Variants in PLXDC2 observed in about 807,000 individuals in gnomAD.
The protein encoded by PLXDC2 is plexin domain-containing protein 2.
A neutral mutation model predicts 68.9 loss-of-function variants in PLXDC2; 40 were observed. That is an observed-to-expected ratio of 0.58 (90% confidence interval 0.45 to 0.76). PLXDC2 has a LOEUF of 0.76. Ranked by LOEUF, PLXDC2 falls within the 30% of genes least tolerant of loss-of-function variation. PLXDC2 has a pLI of 0.00. For synonymous variants in PLXDC2, 243 were observed against 234.2 expected (o/e 1.04, Z -0.34); for missense variants, 644 against 661.9 (o/e 0.97, Z 0.30).
intron 4 of PLXDC2, among the ~76,000 whole-genome samples, chr10:20,110,120 G>C (rs1243630608): frequency 6.6e-6 from 1 of 152,204 alleles, no homozygotes; most frequent in African/African-American, 2.4e-5. Context: ...TGCCTGGCAG[G>C]GATGGAGACT....
chr10:20,125,648 C>A (rs560028428), intron 4 of PLXDC2, among the ~76,000 whole-genome samples: 1 of 152,122 alleles, frequency 6.6e-6, no homozygotes, highest in Admixed American at 6.5e-5. Flanking sequence ...GAGAGAGCCT[C>A]TATAGAGCTC....
chr10:20,097,249 A>G (rs992651209), intron 4 of PLXDC2, among the ~76,000 whole-genome samples: 1 of 152,220 alleles, frequency 6.6e-6, no homozygotes, highest in Non-Finnish European at 1.5e-5. Flanking sequence ...GCTTACGGTA[A>G]TTACTGGAAG....
chr10:20,268,849 C>T (rs1236411663), intron 13 of PLXDC2, among the ~76,000 whole-genome samples: 1 of 152,186 alleles, frequency 6.6e-6, no homozygotes, highest in African/African-American at 2.4e-5. Context: ...GGTGAACTGG[C>T]TTGTTTTCAC....
At chr10:20,244,776 G>A (rs1242929627) in intron 12 of PLXDC2, among the ~76,000 whole-genome samples, 2 of 152,194 alleles carry the variant, frequency 1.3e-5, no homozygotes, top group Non-Finnish European at 2.9e-5. Context: ...GTTTCCCACA[G>A]TACTTTGAGA....
intron 4 of PLXDC2, among the ~76,000 whole-genome samples, chr10:20,075,715 G>C (rs1836429782): frequency 6.6e-6 from 1 of 152,160 alleles, no homozygotes; most frequent in African/African-American, 2.4e-5. Context: ...TGGGTAGAAT[G>C]AAGGAGAACA....
At chr10:19,936,240 C>T (rs1163036845) in intron 1 of PLXDC2, among the ~76,000 whole-genome samples, 3 of 152,158 alleles carry the variant, frequency 2.0e-5, no homozygotes, top group Non-Finnish European at 4.4e-5. Context: ...TGGAAACTCC[C>T]CACTCATCTC....
chr10:20,023,865 G>A (rs1278594540), intron 2 of PLXDC2, among the ~76,000 whole-genome samples: 2 of 152,106 alleles, frequency 1.3e-5, no homozygotes, highest in Non-Finnish European at 2.9e-5. Context: ...CACAGAGACA[G>A]GGTAGAAAAG....
At chr10:20,108,769 C>G (rs1025653519) in intron 4 of PLXDC2, among the ~76,000 whole-genome samples, 1 of 152,094 alleles carries the variant, frequency 6.6e-6, no homozygotes, top group South Asian at 2.1e-4. Context: ...GACTTTAAAA[C>G]CTTCCACGTA....
intron 10 of PLXDC2, among the ~76,000 whole-genome samples, chr10:20,214,598 A>T (rs1387164959): frequency 6.6e-6 from 1 of 152,056 alleles, no homozygotes; most frequent in Non-Finnish European, 1.5e-5. Flanking sequence ...TTATTTTTTG[A>T]GTGGGGAGGG....
chr10:20,140,765 A>G (rs922657318), intron 4 of PLXDC2, among the ~76,000 whole-genome samples: 1 of 152,162 alleles, frequency 6.6e-6, no homozygotes, highest in African/African-American at 2.4e-5. Flanking sequence ...AGATATTGAT[A>G]TAAGTAACTT....
chr10:19,964,809 A>G (rs1319511686), intron 1 of PLXDC2, among the ~76,000 whole-genome samples: 1 of 151,736 alleles, frequency 6.6e-6, no homozygotes, highest in African/African-American at 2.4e-5. Flanking sequence ...CTTTCCCTGC[A>G]TTCTATGCCT....
At chr10:20,058,702 A>G (rs1229641064) in intron 3 of PLXDC2, among the ~76,000 whole-genome samples, 2 of 152,210 alleles carry the variant, frequency 1.3e-5, no homozygotes, top group Non-Finnish European at 2.9e-5. Flanking sequence ...TAAACACAAA[A>G]TATTTTTTTG....
intron 2 of PLXDC2, among the ~76,000 whole-genome samples, chr10:20,019,202 C>T (rs1360053177): frequency 6.6e-6 from 1 of 152,212 alleles, no homozygotes; most frequent in Non-Finnish European, 1.5e-5. Flanking sequence ...CAAACTTTGA[C>T]TCCAATAACT....
intron 3 of PLXDC2, 69 bp from the exon 4 acceptor site, chr10:20,068,101 A>G: frequency 7.4e-7 from 1 of 1,346,222 alleles, no homozygotes; most frequent in Non-Finnish European, 1.0e-6. Flanking sequence ...TTTTAAGTGA[A>G]AGGCTCTTCA....
intron 3 of PLXDC2, among the ~76,000 whole-genome samples, chr10:20,052,126 AT>A (rs1254381803): frequency 1.3e-5 from 2 of 151,984 alleles, no homozygotes; most frequent in Non-Finnish European, 2.9e-5. Context: ...ACTAGTTTCC[AT>A]TTGAAAAAAA....
intron 13 of PLXDC2, among the ~76,000 whole-genome samples, chr10:20,255,187 GGATGGATA>G (rs76372214): frequency 0.1 from 7,157 of 69,842 alleles, 194 homozygotes; most frequent in Non-Finnish European, 0.11. Context: ...GTGGATAGGT[GGATGGATA>G]GATAGATAGA....
chr10:19,834,256 C>G (rs142168066), intron 1 of PLXDC2, among the ~76,000 whole-genome samples: 47 of 152,044 alleles, frequency 3.1e-4, no homozygotes, highest in Non-Finnish European at 5.4e-4. Flanking sequence ...TTTCAATGGA[C>G]TGGGAAAGGA....
At chr10:20,223,353 C>G (rs143372801) in intron 12 of PLXDC2, among the ~76,000 whole-genome samples, 1 of 149,228 alleles carries the variant, frequency 6.7e-6, no homozygotes. Context: ...CGCACTGTCC[C>G]CCCGGCTGGA....
intron 1 of PLXDC2, among the ~76,000 whole-genome samples, chr10:19,978,925 G>A (rs1403003527): frequency 6.6e-6 from 1 of 152,110 alleles, no homozygotes; most frequent in African/African-American, 2.4e-5. Context: ...GGAAATGATG[G>A]AACAAGAACA....
Sources: allele counts gnomAD v4.1 joint callset (sites outside exome capture counted in the v4.1 genomes callset), GRCh38; gene constraint gnomAD v4.1.1; transcripts MANE v1.5; gene names NCBI Gene and HGNC (gene_info 2026-07-23, HGNC 2026-07-21).